Variants in RAB5C observed in about 807,000 individuals in gnomAD.
RAB5C encodes ras-related protein Rab-5C.
RAB5C carries 4 observed loss-of-function variants against 25.2 expected under a neutral mutation model. The ratio of observed to expected loss-of-function variants is 0.16; its 90% confidence interval spans 0.08 to 0.36. RAB5C has a LOEUF of 0.36. Among genes scored for constraint, RAB5C ranks in the 10% least tolerant of loss-of-function variants. The probability of loss-of-function intolerance (pLI) is 1.00; values close to 1 mark genes in which losing one functional copy is unlikely to be tolerated. For synonymous variants in RAB5C, 100 were observed against 106.4 expected (o/e 0.94, Z 0.37); for missense variants, 199 against 283.8 (o/e 0.70, Z 2.15).
At chr17:42,153,167 G>A (rs534433260) in intron 1 of RAB5C, among the ~76,000 whole-genome samples, 3 of 152,302 alleles carry the variant, frequency 2.0e-5, no homozygotes, top group African/African-American at 4.8e-5. Flanking sequence ...TGTAATCTCA[G>A]CACTTTGGGA....
rs1251937118 is a variant in RAB5C at position 42,140,511 on chromosome 17, ATATATTTTTTTTT to A, written c.-88-9934_-88-9922del. Among the ~76,000 whole-genome samples the A allele has an allele frequency of 5.6e-4, 20 of 36,012 alleles. No homozygotes were observed. The African/African-American group carries it at 6.3e-3, about 11-fold the overall frequency. 23.6% of individuals were successfully genotyped at this position (36,012 alleles called of 152,430 possible). Reference sequence around the variant, plus strand: ...TATATATATATATATATATATATATATATATTTTTTTTTTTTTTTTTTTTTTTTTTGAGATGGA... The same window carrying A: ...TATATATATATATATATATATATATATTTTTTTTTTTTTTTTTGAGATGGA... On this transcript the variant is annotated intron_variant, in intron 1 of 5. Coordinates refer to ENST00000346213, the MANE Select transcript of RAB5C (RefSeq NM_004583.4).
chr17:42,143,822 G>C (rs1343467679), intron 1 of RAB5C, among the ~76,000 whole-genome samples: 2 of 152,138 alleles, frequency 1.3e-5, no homozygotes, highest in East Asian at 3.9e-4. Flanking sequence ...GTCTCACTCT[G>C]TTGCCCAGGC....
At chr17:42,143,698 A>G (rs1275470366) in intron 1 of RAB5C, among the ~76,000 whole-genome samples, 1 of 152,188 alleles carries the variant, frequency 6.6e-6, no homozygotes, top group Non-Finnish European at 1.5e-5. Context: ...AATCCTCACA[A>G]TGACTAGGCA....
At chr17:42,131,455 A>ACAC (rs1568019583) in intron 1 of RAB5C, among the ~76,000 whole-genome samples, 4 of 151,310 alleles carry the variant, frequency 2.6e-5, no homozygotes, top group African/African-American at 7.3e-5. Context: ...CACACACACA[A>ACAC]AAACACATGC....
rs1478253478 is a variant in RAB5C, at chr17:42,125,315, T to TAAGCCCCTTCCC, written c.*456_*467dup. On this transcript the variant is annotated 3_prime_UTR_variant, in exon 6 of 6. Transcript: ENST00000346213. ...GAAGGAAGAGCTGCCTCTCCCTTCC[T>TAAGCCCCTTCCC]AAGCCCCTTCCCAAGGTCTGCCCCA... 1 of 153,704 alleles carries TAAGCCCCTTCCC rather than the reference T, an allele frequency of 6.5e-6. No homozygotes were observed. The highest frequency in any genetic ancestry group is 1.5e-5 in the Non-Finnish European group (1 of 68,814). The allele number at this position is 153,704 out of a possible 1,614,324, so 9.5% of individuals were successfully genotyped here.
At chr17:42,137,075 G>A (rs2054544361) in intron 1 of RAB5C, among the ~76,000 whole-genome samples, 2 of 152,178 alleles carry the variant, frequency 1.3e-5, no homozygotes, top group African/African-American at 4.8e-5. Flanking sequence ...GGAGGCTGAG[G>A]TGGGTGGATC....
chr17:42,154,940 A>G lies in RAB5C; in HGVS notation c.-136T>C, dbSNP rs1598262682. 1 of 152,278 alleles carries G rather than the reference A, an allele frequency of 6.6e-6. No homozygotes were observed. The highest frequency in any genetic ancestry group is 6.5e-5 in the Admixed American group (1 of 15,268). 9.4% of individuals were successfully genotyped at this position (152,278 alleles called of 1,614,324 possible). On this transcript the variant is annotated 5_prime_UTR_variant, in exon 1 of 6. Transcript: ENST00000346213. Reference sequence around the variant, plus strand: ...TACTTGGGGCCGGGGCTCGGACGGGATCCGCTTCTCTCCCCGCCGGCGGTG... The same window carrying G: ...TACTTGGGGCCGGGGCTCGGACGGGGTCCGCTTCTCTCCCCGCCGGCGGTG...
At chr17:42,153,686 T>C (rs2079686866) in intron 1 of RAB5C, among the ~76,000 whole-genome samples, 1 of 152,180 alleles carries the variant, frequency 6.6e-6, no homozygotes, top group Non-Finnish European at 1.5e-5. Context: ...TACTCCTCGT[T>C]AAGGTACAGT....
At chr17:42,126,882 G>T in intron 4 of RAB5C, 34 bp from the exon 5 acceptor site, 1 of 1,429,250 alleles carries the variant, frequency 7.0e-7, no homozygotes, top group Non-Finnish European at 9.9e-7. Flanking sequence ...AGGTGAGAGG[G>T]AAATGTTGGC....
chr17:42,137,812 G>A (rs190426517), intron 1 of RAB5C: 35 of 152,136 alleles, frequency 2.3e-4, no homozygotes, highest in African/African-American at 7.2e-4. Flanking sequence ...GCTTGAACCC[G>A]GGAGGCAGAG....
intron 1 of RAB5C, among the ~76,000 whole-genome samples, chr17:42,147,851 C>A (rs896230478): frequency 6.6e-6 from 1 of 152,098 alleles, no homozygotes; most frequent in East Asian, 1.9e-4. Context: ...AATCCCAGCA[C>A]TTTGGGAGGC....
intron 1 of RAB5C, among the ~76,000 whole-genome samples, chr17:42,132,659 C>T (rs1438626004): frequency 6.6e-6 from 1 of 152,002 alleles, no homozygotes; most frequent in African/African-American, 2.4e-5. Context: ...AGCAGGTATA[C>T]ACCACCACAC....
At chr17:42,137,274 C>A (rs545909966) in intron 1 of RAB5C, among the ~76,000 whole-genome samples, 8 of 151,134 alleles carry the variant, frequency 5.3e-5, no homozygotes, top group African/African-American at 1.5e-4. Context: ...CCATTGCACT[C>A]CAGCCTGGAC....
intron 2 of RAB5C, 161 bp downstream of exon 2, chr17:42,130,176 C>T: frequency 1.0e-6 from 1 of 962,838 alleles, no homozygotes; most frequent in Non-Finnish European, 1.5e-6. Flanking sequence ...GCATGGAGAC[C>T]AGTTGCTGGG....
chr17:42,141,357 C>G (rs1192833287), intron 1 of RAB5C, among the ~76,000 whole-genome samples: 3 of 152,198 alleles, frequency 2.0e-5, no homozygotes, highest in Non-Finnish European at 4.4e-5. Flanking sequence ...AAAACAACCA[C>G]ATTACAAAAT....
intron 1 of RAB5C, among the ~76,000 whole-genome samples, chr17:42,134,980 GT>G (rs528680102): frequency 0.017 from 2,264 of 134,896 alleles, 28 homozygotes; most frequent in African/African-American, 0.05. Context: ...TTTTTCTTAA[GT>G]TTTTTTTTTT....
In RAB5C at chr17:42,125,736, G is replaced by T; in HGVS notation, c.*47C>A. ...GATTGGTTAGAGTGGATTCCAGTCGGGTCATTCAGGCGGAGGAGGCGGGGG... is the reference window on the plus strand; with the variant it reads ...GATTGGTTAGAGTGGATTCCAGTCGTGTCATTCAGGCGGAGGAGGCGGGGG... On this transcript the variant is annotated 3_prime_UTR_variant, in exon 6 of 6. Coordinates refer to ENST00000346213, the MANE Select transcript of RAB5C (RefSeq NM_004583.4). 7.2e-7 allele frequency: 1 copy of T among 1,381,570 alleles called. No individual in the cohort carries two copies. The highest frequency in any genetic ancestry group is 1.0e-6 in the Non-Finnish European group (1 of 998,386). 85.6% of individuals were successfully genotyped at this position (1,381,570 alleles called of 1,614,324 possible).
intron 1 of RAB5C, among the ~76,000 whole-genome samples, chr17:42,140,723 G>A (rs185851997): frequency 2.6e-5 from 4 of 151,432 alleles, no homozygotes; most frequent in Admixed American, 6.6e-5. Flanking sequence ...ATGAGGTTTC[G>A]CCATGTTGGC....
chr17:42,140,806 A>G (rs1043572908), intron 1 of RAB5C, among the ~76,000 whole-genome samples: 2 of 151,884 alleles, frequency 1.3e-5, no homozygotes, highest in Non-Finnish European at 2.9e-5. Context: ...GATTACAGGC[A>G]TGAGCCACCA....
Sources: allele counts gnomAD v4.1 joint callset (sites outside exome capture counted in the v4.1 genomes callset), GRCh38; gene constraint gnomAD v4.1.1; transcripts MANE v1.5; gene names NCBI Gene and HGNC (gene_info 2026-07-23, HGNC 2026-07-21).